The following RARS1 variants were observed in gnomAD, a reference collection of about 807,000 sequenced individuals.
RARS1 encodes the protein arginine--tRNA ligase, cytoplasmic.
In RARS1, 75 loss-of-function variants were observed where a neutral mutation model predicts 78.7. The ratio of observed to expected loss-of-function variants is 0.95; its 90% CI spans 0.79 to 1.15. The LOEUF is 1.15. RARS1 is among the 50% of genes most tolerant of loss of function. The probability of loss-of-function intolerance (pLI) is 0.00; values close to 1 mark genes in which losing one functional copy is unlikely to be tolerated. For missense variants in RARS1, 787 were observed against 787.5 expected (o/e 1.00, Z 0.01); for synonymous variants, 273 against 268.2 (o/e 1.02, Z -0.18).
chr5:168,508,619 CAAAAAAAAA>C (rs34579916), intron 11 of RARS1, among the ~76,000 whole-genome samples: 2 of 61,262 alleles, frequency 3.3e-5, no homozygotes, highest in East Asian at 4.4e-4. Flanking sequence ...GACTCTGTCT[CAAAAAAAAA>C]AAAAAAAAAA....
At chr5:168,516,579 T>C (rs1016265342) in intron 12 of RARS1, among the ~76,000 whole-genome samples, 199 bp from the exon 13 acceptor site, 5 of 152,250 alleles carry the variant, frequency 3.3e-5, no homozygotes, top group Non-Finnish European at 5.9e-5. Flanking sequence ...CATTCTTCAT[T>C]GTGCATAACG....
intron 14 of RARS1, 28 bp downstream of exon 14, chr5:168,518,090 T>TTTTTTTTTTTTTG: frequency 7.0e-7 from 1 of 1,429,182 alleles, no homozygotes; most frequent in Non-Finnish European, 9.1e-7. Context: ...TTTTTTTTTT[T>TTTTTTTTTTTTTG]TTTTTAGTGA....
intron 12 of RARS1, among the ~76,000 whole-genome samples, chr5:168,513,643 G>T (rs7704206): frequency 0.13 from 19,798 of 151,270 alleles, 1,723 homozygotes; most frequent in Non-Finnish European, 0.19. Context: ...TAGGCTTATT[G>T]GTCATCTAGA....
In RARS1 at chr5:168,517,917, G is replaced by C; in HGVS notation, c.1728G>C (p.Arg576=). ...ATGAGAAGGAATGGAAACTAGGCCG[G>C]TGCATTTTACGGTTCCCTGAGATTC... ...LDHEKEWKLG[R]CILRFPEILQ... is the part of the protein sequence containing the mutation. The change falls in exon 14 of 15, where the codon CGG becomes CGC. Residue 576 remains arginine (R), a synonymous_variant. Coordinates refer to ENST00000231572, the MANE Select transcript of RARS1 (RefSeq NM_002887.4). 6.2e-7 allele frequency: 1 copy of C among 1,613,826 alleles called. No individual in the cohort carries two copies. Among genetic ancestry groups the C allele is most frequent in the Non-Finnish European group, 8.5e-7 (1 of 1,179,992 alleles).
At chr5:168,489,230 G>A (rs541030193) in intron 2 of RARS1, among the ~76,000 whole-genome samples, 1 of 152,000 alleles carries the variant, frequency 6.6e-6, no homozygotes, top group Non-Finnish European at 1.5e-5. Context: ...TGTTGGCCAG[G>A]CTGGCCTCGG....
At chr5:168,497,555 T>C (rs142947102) in intron 7 of RARS1, among the ~76,000 whole-genome samples, 26 of 152,274 alleles carry the variant, frequency 1.7e-4, no homozygotes, top group Non-Finnish European at 3.1e-4. Flanking sequence ...GACGTTTAAT[T>C]ACCTCACAGT....
chr5:168,500,231 A>G (rs1422097219), intron 7 of RARS1, among the ~76,000 whole-genome samples: 1 of 151,816 alleles, frequency 6.6e-6, no homozygotes, highest in Non-Finnish European at 1.5e-5. Context: ...AACGAAAAAA[A>G]AATTCATTCA....
At position 168,509,316 on chromosome 5, in the gene RARS1, A is replaced by C. The variant is rs142011884; in HGVS notation, c.1347-1265A>C. Among the ~76,000 whole-genome samples the C allele has an allele frequency of 4.0e-3, 605 of 152,296 alleles. 1 individual carries two copies. The highest frequency in any genetic ancestry group is 0.014 in the African/African-American group (575 of 41,556). On this transcript the variant is annotated intron_variant, in intron 11 of 14. Coordinates refer to ENST00000231572, the MANE Select transcript of RARS1 (RefSeq NM_002887.4). Reference sequence around the variant, plus strand: ...TGTATAAGCAGAATTTTACAGGGCAAGTAGATTCTTGCTTGGGCAAGCTCT... The same window carrying C: ...TGTATAAGCAGAATTTTACAGGGCACGTAGATTCTTGCTTGGGCAAGCTCT...
Position 168,517,972 on chromosome 5 carries a change from C to T in RARS1, c.1783C>T (p.His595Tyr). 1 of 1,611,916 alleles carries T rather than the reference C, an allele frequency of 6.2e-7. No individual in the cohort carries two copies. ...AAAGATTTTAGATGACTTATTTCTC[C>T]ACACTCTCTGTGATTATATATATGA... ...LQKILDDLFL[H>Y]TLCDYIYELA... The change falls in exon 14 of 15, where the codon CAC becomes TAC. Residue 595 changes from histidine (H) to tyrosine (Y), a missense_variant. Transcript: ENST00000231572.
Position 168,517,974 on chromosome 5 carries a change from C to T in RARS1, c.1785C>T (p.His595=), listed in dbSNP as rs1758706013. 3 of 1,609,172 alleles carry T rather than the reference C, an allele frequency of 1.9e-6. No individual in the cohort carries two copies. Among genetic ancestry groups the T allele is most frequent in the African/African-American group, 1.3e-5 (1 of 74,322 alleles). ...AGATTTTAGATGACTTATTTCTCCACACTCTCTGTGATTATATATATGAGC... is the reference window on the plus strand; with the variant it reads ...AGATTTTAGATGACTTATTTCTCCATACTCTCTGTGATTATATATATGAGC... ...LQKILDDLFL[H]TLCDYIYELA... Residue 595 remains histidine, a synonymous_variant, in exon 14 of 15, where the codon CAC becomes CAT. Transcript: ENST00000231572.
At position 168,497,284 on chromosome 5, in the gene RARS1, A is replaced by G. The variant is rs1411697188; in HGVS notation, c.758A>G (p.Gln253Arg). ...TQFGMLIAHL[Q>R]DKFPDYLTVS... ...TTTGGCATGCTCATCGCTCACCTGC[A>G]AGACAAATTTCCAGATTATCTAACA... The change falls in exon 7 of 15, where the codon CAA becomes CGA. Residue 253 changes from glutamine to arginine, a missense_variant. By Grantham distance (43) the Gln-to-Arg change is conservative (BLOSUM62 1). Coordinates refer to ENST00000231572, the MANE Select transcript of RARS1 (RefSeq NM_002887.4). 2.5e-6 allele frequency: 4 copies of G among 1,593,138 alleles called. No homozygotes were observed. Among genetic ancestry groups the G allele is most frequent in the South Asian group, 1.2e-5 (1 of 86,058 alleles).
intron 2 of RARS1, among the ~76,000 whole-genome samples, chr5:168,490,616 A>G (rs1758062979): frequency 6.6e-6 from 1 of 152,234 alleles, no homozygotes. Flanking sequence ...CCACAGAGTA[A>G]TAAAGTACTG....
intron 2 of RARS1, among the ~76,000 whole-genome samples, chr5:168,489,906 C>T (rs1232954961): frequency 6.6e-6 from 1 of 151,974 alleles, no homozygotes; most frequent in Non-Finnish European, 1.5e-5. Flanking sequence ...CCTCCACCTC[C>T]CAGGTTCAAG....
chr5:168,514,688 A>G (rs1292054881), intron 12 of RARS1, among the ~76,000 whole-genome samples: 1 of 152,212 alleles, frequency 6.6e-6, no homozygotes, highest in East Asian at 1.9e-4. Context: ...ACATTGATAC[A>G]ATACCATTAA....
In RARS1 at chr5:168,502,384, ATTTT is replaced by A. The variant is rs759302320; in HGVS notation, c.1057+288_1057+291del. Among the ~76,000 whole-genome samples, 17 of 127,234 alleles carry A rather than the reference ATTTT, an allele frequency of 1.3e-4. No individual in the cohort carries two copies. In the East Asian group the frequency reaches 3.7e-3, roughly 28 times the overall value. The allele number at this position is 127,234 out of a possible 152,430, so 83.5% of individuals were successfully genotyped here. A position where few individuals can be genotyped will look rare whatever the true frequency, so the allele number is the denominator to read the frequency against. ...CAAATATATATATATATATATATAT[ATTTT>A]TTTTTTTTAAAACAATCTTGCTATG... On this transcript the variant is annotated intron_variant, in intron 9 of 14. Transcript: ENST00000231572.
intron 5 of RARS1, 36 bp from the exon 6 acceptor site, chr5:168,495,279 C>A: frequency 6.3e-7 from 1 of 1,598,786 alleles, no homozygotes; most frequent in East Asian, 2.2e-5. Context: ...ATGTTTATGC[C>A]CCTCTTAACA....
chr5:168,494,732 A>G (rs1758148699), intron 5 of RARS1, 82 bp downstream of exon 5: 1 of 1,012,334 alleles, frequency 9.9e-7, no homozygotes, highest in Admixed American at 1.9e-5. Flanking sequence ...CTATAGTCTC[A>G]GCTACTTGGG....
intron 12 of RARS1, 51 bp from the exon 13 acceptor site, chr5:168,516,727 G>A: frequency 1.9e-6 from 3 of 1,576,824 alleles, no homozygotes; most frequent in South Asian, 2.3e-5. Flanking sequence ...AGACACCAGG[G>A]CAGAAGCAGC....
rs377078082 is a variant in RARS1, at chr5:168,502,059, C to T, written c.1011C>T (p.Phe337=). Residue 337 remains phenylalanine, a synonymous_variant, in exon 9 of 15, where the codon TTC becomes TTT. Coordinates refer to ENST00000231572, the MANE Select transcript of RARS1 (RefSeq NM_002887.4). ...CTTTAATAGAGAGAGGGGAATCCTTCTATCAAGATAGGATGAATGATATTG... is the reference window on the plus strand; with the variant it reads ...CTTTAATAGAGAGAGGGGAATCCTTTTATCAAGATAGGATGAATGATATTG... ...DVSLIERGES[F]YQDRMNDIVK... 1.2e-5 allele frequency: 20 copies of T among 1,604,942 alleles called. No individual in the cohort carries two copies. In the African/African-American group the frequency reaches 2.4e-4, roughly 19 times the overall value.
Sources: gnomAD v4.1 joint callset for allele counts (sites outside exome capture counted in the v4.1 genomes callset) on GRCh38, gnomAD v4.1.1 for gene constraint, MANE v1.5 for transcripts, NCBI Gene and HGNC (gene_info 2026-07-23, HGNC 2026-07-21) for gene names.